NEK1: variants seen among roughly 807,000 people sequenced by gnomAD.
NEK1 encodes NIMA related kinase 1.
A neutral mutation model predicts 182.1 loss-of-function variants in NEK1; 137 were observed. The observed-to-expected ratio is 0.75, with a 90% confidence interval of 0.65 to 0.87. NEK1 has a LOEUF of 0.87. Ranked by LOEUF, NEK1 falls within the 40% of genes least tolerant of loss-of-function variation. The probability of loss-of-function intolerance (pLI) is 0.00; values close to 1 mark genes in which losing one functional copy is unlikely to be tolerated. For missense variants in NEK1, 1,391 were observed against 1,494.4 expected, an observed-to-expected ratio of 0.93 and a Z score of 1.14; for synonymous variants, 513 against 492.2, an observed-to-expected ratio of 1.04 and a Z score of -0.56.
chr4:169,492,978 T>C (rs1432602037), intron 23 of NEK1, among the ~76,000 whole-genome samples: 1 of 152,196 alleles, frequency 6.6e-6, no homozygotes, highest in Non-Finnish European at 1.5e-5. Flanking sequence ...TGCATGATTG[T>C]GGACATGGCA....
chr4:169,484,292 T>C (rs1748654653), intron 23 of NEK1, among the ~76,000 whole-genome samples: 1 of 152,234 alleles, frequency 6.6e-6, no homozygotes, highest in Non-Finnish European at 1.5e-5. Context: ...GTGATCTGCC[T>C]GCCTTGGCCT....
At chr4:169,504,075 G>C (rs565855035) in intron 23 of NEK1, among the ~76,000 whole-genome samples, 2 of 152,178 alleles carry the variant, frequency 1.3e-5, no homozygotes, top group African/African-American at 4.8e-5. Flanking sequence ...GATCTAAATA[G>C]ACATTTCTAA....
rs373592122 is a variant in NEK1, at chr4:169,505,210, AC to A, written c.2007+1826del. Among the ~76,000 whole-genome samples the A allele has an allele frequency of 3.5e-4, 53 of 152,018 alleles. 1 individual carries two copies. The highest frequency in any genetic ancestry group is 3.2e-3 in the Middle Eastern group (1 of 314). On this transcript the variant is annotated intron_variant, in intron 23 of 35. Coordinates refer to ENST00000507142, the MANE Select transcript of NEK1 (RefSeq NM_001199397.3). ...TGTAAAGTTGTAAGGATTAAAAAAA[AC>A]AATAAATATACAGTTAATCCTTGAA...
intron 19 of NEK1, among the ~76,000 whole-genome samples, chr4:169,513,796 T>C (rs1044850130): frequency 6.6e-6 from 1 of 152,154 alleles, no homozygotes; most frequent in Non-Finnish European, 1.5e-5. Context: ...CTGATTTTTT[T>C]CAAAAGATTT....
chr4:169,567,662 G>A (rs1432001791), intron 12 of NEK1, among the ~76,000 whole-genome samples: 2 of 152,100 alleles, frequency 1.3e-5, no homozygotes, highest in East Asian at 1.9e-4. Flanking sequence ...CCAAAGTGCT[G>A]GGATTACAGG....
intron 5 of NEK1, among the ~76,000 whole-genome samples, chr4:169,591,152 C>T (rs559968448): frequency 6.8e-6 from 1 of 147,628 alleles, no homozygotes. Flanking sequence ...ACGCCCCCCC[C>T]CCACTTCTTT....
chr4:169,440,280 C>A (rs570593808), intron 27 of NEK1, among the ~76,000 whole-genome samples: 1 of 152,048 alleles, frequency 6.6e-6, no homozygotes, highest in Non-Finnish European at 1.5e-5. Context: ...ATGAAATTCA[C>A]TCACAATCAG....
At chr4:169,597,226 T>C (rs1769660458) in intron 5 of NEK1, among the ~76,000 whole-genome samples, 1 of 152,212 alleles carries the variant, frequency 6.6e-6, no homozygotes, top group Non-Finnish European at 1.5e-5. Flanking sequence ...GTATAGTAGG[T>C]ATCTCCCTAT....
intron 5 of NEK1, among the ~76,000 whole-genome samples, chr4:169,597,600 C>T (rs1368914148): frequency 6.6e-6 from 1 of 152,176 alleles, no homozygotes; most frequent in Non-Finnish European, 1.5e-5. Context: ...GGTGCCACTG[C>T]ACTCCAGCTG....
chr4:169,480,922 C>A (rs1484517417), intron 23 of NEK1, among the ~76,000 whole-genome samples: 2 of 152,102 alleles, frequency 1.3e-5, no homozygotes, highest in Non-Finnish European at 2.9e-5. Flanking sequence ...TGCATTTTAC[C>A]CACAGTAGAA....
intron 11 of NEK1, among the ~76,000 whole-genome samples, 153 bp from the exon 12 acceptor site, chr4:169,577,232 C>A (rs538780874): frequency 6.6e-6 from 1 of 152,040 alleles, no homozygotes; most frequent in African/African-American, 2.4e-5. Context: ...TTAGTATTTA[C>A]TAATGCCTTA....
chr4:169,505,660 C>A (rs1453639554), intron 23 of NEK1, among the ~76,000 whole-genome samples: 1 of 152,106 alleles, frequency 6.6e-6, no homozygotes, highest in African/African-American at 2.4e-5. Flanking sequence ...TATAATATGC[C>A]TGGCATAAAA....
At chr4:169,461,103 C>A (rs555754189) in intron 27 of NEK1, among the ~76,000 whole-genome samples, 1 of 152,186 alleles carries the variant, frequency 6.6e-6, no homozygotes, top group East Asian at 1.9e-4. Flanking sequence ...GAAATGAATG[C>A]CAAAGTCAGA....
intron 27 of NEK1, among the ~76,000 whole-genome samples, chr4:169,438,913 T>A (rs749837507): frequency 6.6e-6 from 1 of 152,204 alleles, no homozygotes. Context: ...CTTAGAGAAC[T>A]TGTCATTAAT....
chr4:169,503,002 T>A (rs1386893379), intron 23 of NEK1, among the ~76,000 whole-genome samples: 1 of 152,142 alleles, frequency 6.6e-6, no homozygotes, highest in Non-Finnish European at 1.5e-5. Flanking sequence ...CCATGACTCC[T>A]AGACTTGATG....
chr4:169,610,078 T>C (rs10030209), intron 2 of NEK1, among the ~76,000 whole-genome samples: 13,290 of 150,186 alleles, frequency 0.088, 766 homozygotes, highest in African/African-American at 0.16. Flanking sequence ...AATGCAATGG[T>C]GCCATTTCGG....
chr4:169,401,913 G>A (rs1447336755), intron 32 of NEK1, 53 bp from the exon 33 acceptor site: 2 of 1,451,394 alleles, frequency 1.4e-6, no homozygotes, highest in East Asian at 2.3e-5. Flanking sequence ...AATTTACCAA[G>A]TTAAACAACT....
intron 29 of NEK1, among the ~76,000 whole-genome samples, chr4:169,428,784 G>A (rs1215153748): frequency 1.3e-5 from 2 of 152,084 alleles, no homozygotes; most frequent in Non-Finnish European, 2.9e-5. Context: ...AATTCCAGTT[G>A]CCTTTCCTAT....
intron 27 of NEK1, among the ~76,000 whole-genome samples, chr4:169,440,140 G>A (rs1177459617): frequency 2.0e-5 from 3 of 151,218 alleles, no homozygotes; most frequent in Admixed American, 6.6e-5. Flanking sequence ...TACCACACCC[G>A]GCTGGATAGC....
Sources: allele counts gnomAD v4.1 joint callset (sites outside exome capture counted in the v4.1 genomes callset), GRCh38; gene constraint gnomAD v4.1.1; transcripts MANE v1.5; gene names NCBI Gene and HGNC (gene_info 2026-07-23, HGNC 2026-07-21).